The following KAZN variants were observed in gnomAD, a reference collection of about 807,000 sequenced individuals.
KAZN encodes the protein kazrin.
Under a neutral mutation model 87.4 loss-of-function variants are expected in KAZN, and 40 were observed. The observed-to-expected ratio is 0.46, with a 90% CI of 0.36 to 0.60. The LOEUF (loss-of-function observed/expected upper bound fraction) is 0.60, where lower values mean the gene tolerates loss of function less well. Ranked by LOEUF, KAZN falls within the 20% of genes least tolerant of loss-of-function variation. The pLI is 0.00. For synonymous variants in KAZN, 466 were observed against 458.3 expected, an observed-to-expected ratio of 1.02 and a Z score of -0.22; for missense variants, 898 against 1,073.9, an observed-to-expected ratio of 0.84 and a Z score of 2.29.
At chr1:14,636,500 AT>A (rs1001097779) in intron 1 of KAZN, among the ~76,000 whole-genome samples, 2 of 152,198 alleles carry the variant, frequency 1.3e-5, no homozygotes, top group African/African-American at 4.8e-5. Context: ...AACTGTGTTA[AT>A]TATGACAGTG....
rs189722620 is a variant in KAZN, at chr1:14,118,656, C to T, written c.92-61779C>T. On this transcript the variant is annotated intron_variant, in intron 1 of 16. Transcript: ENST00000636203. ...AACAGAACATCACAAGGATGTTCAC[C>T]GAAGAGATCTCAGAATTCATCTGGT... Among the ~76,000 whole-genome samples, 12 of 152,258 alleles carry T rather than the reference C, an allele frequency of 7.9e-5. 1 individual carries two copies. The highest frequency in any genetic ancestry group is 1.3e-4 in the Admixed American group (2 of 15,296).
At chr1:14,051,063 C>A (rs1469049456) in intron 1 of KAZN, among the ~76,000 whole-genome samples, 1 of 151,988 alleles carries the variant, frequency 6.6e-6, no homozygotes, top group Non-Finnish European at 1.5e-5. Flanking sequence ...CAACTCTGAG[C>A]ACAACAAAGA....
chr1:14,958,107 G>A (rs1374075360), intron 1 of KAZN, among the ~76,000 whole-genome samples: 1 of 152,200 alleles, frequency 6.6e-6, no homozygotes, highest in African/African-American at 2.4e-5. Context: ...CCCTCTGCCT[G>A]CTCCCTCCCC....
chr1:14,437,040 A>T (rs1219121559), intron 2 of KAZN, among the ~76,000 whole-genome samples: 1 of 152,228 alleles, frequency 6.6e-6, no homozygotes, highest in Non-Finnish European at 1.5e-5. Context: ...TTTGTCCTCC[A>T]GAGGAAATAG....
intron 1 of KAZN, among the ~76,000 whole-genome samples, chr1:14,685,329 G>A (rs745351293): frequency 1.5e-4 from 23 of 152,324 alleles, no homozygotes; most frequent in Middle Eastern, 3.4e-3. Flanking sequence ...CCCATCAGTC[G>A]TTGGTATGGG....
chr1:14,666,904 T>A (rs1380105615), intron 1 of KAZN, among the ~76,000 whole-genome samples: 5 of 152,086 alleles, frequency 3.3e-5, no homozygotes, highest in Non-Finnish European at 7.4e-5. Flanking sequence ...CCCAGCTAAT[T>A]TTTGTAGTTT....
At chr1:14,037,035 C>G (rs1263705226) in intron 1 of KAZN, among the ~76,000 whole-genome samples, 1 of 152,060 alleles carries the variant, frequency 6.6e-6, no homozygotes, top group Non-Finnish European at 1.5e-5. Context: ...GCCTCAGCCT[C>G]CCAAAGTGCT....
rs891126535 is a variant in KAZN at position 15,096,374 on chromosome 1, A to G, written c.1547+1441A>G. On this transcript the variant is annotated intron_variant, in intron 10 of 14. Transcript: ENST00000376030. The surrounding 1 kb of genome is among the most constrained non-coding windows in gnomAD (Gnocchi z 4.5). ...GCAAGGGCAGAAAAACAAAAACACT[A>G]AAAGCCACTTTGATTTTGAAGAGAA... is the stretch of plus-strand genomic sequence containing the variant. 2.6e-5 allele frequency among the ~76,000 whole-genome samples: 4 copies of G among 152,220 alleles called. No homozygotes were observed. Among genetic ancestry groups the G allele is most frequent in the Admixed American group, 2.6e-4 (4 of 15,286 alleles).
intron 1 of KAZN, among the ~76,000 whole-genome samples, chr1:14,150,807 T>C (rs1465299593): frequency 6.6e-6 from 1 of 152,222 alleles, no homozygotes; most frequent in African/African-American, 2.4e-5. Flanking sequence ...CTCTTCCAAA[T>C]AATTACTGGT....
intron 2 of KAZN, among the ~76,000 whole-genome samples, chr1:14,269,782 G>A (rs189407739): frequency 2.4e-4 from 36 of 152,296 alleles, no homozygotes; most frequent in African/African-American, 7.9e-4. Flanking sequence ...GATCACCTGA[G>A]GTGAGGCTGC....
At chr1:15,013,182 G>A (rs530156434) in intron 2 of KAZN, among the ~76,000 whole-genome samples, 28 of 152,252 alleles carry the variant, frequency 1.8e-4, no homozygotes, top group African/African-American at 5.1e-4. Flanking sequence ...ACCTGTACAC[G>A]CCTCCACTGT....
intron 1 of KAZN, among the ~76,000 whole-genome samples, chr1:13,911,412 C>T (rs988730760): frequency 2.6e-5 from 4 of 152,192 alleles, no homozygotes; most frequent in Non-Finnish European, 5.9e-5. Flanking sequence ...ATCCTGAAGT[C>T]AGCACCAAGC....
intron 2 of KAZN, among the ~76,000 whole-genome samples, chr1:14,406,520 T>C (rs1040889647): frequency 3.3e-5 from 5 of 151,784 alleles, no homozygotes; most frequent in African/African-American, 9.7e-5. Flanking sequence ...AATGACACAA[T>C]GGACTTTGGG....
At chr1:14,601,833 G>C (rs1175950202) in intron 1 of KAZN, among the ~76,000 whole-genome samples, 1 of 152,154 alleles carries the variant, frequency 6.6e-6, no homozygotes, top group Non-Finnish European at 1.5e-5. Context: ...GAGTATCTTT[G>C]CATTTCAAAA....
intron 1 of KAZN, among the ~76,000 whole-genome samples, chr1:14,883,395 G>C (rs956419988): frequency 7.3e-6 from 1 of 136,676 alleles, no homozygotes; most frequent in African/African-American, 3.0e-5. Flanking sequence ...AAGAAAGAAA[G>C]AAAGAAAGAA....
At chr1:14,251,174 T>C (rs1477295996) in intron 2 of KAZN, among the ~76,000 whole-genome samples, 2 of 152,178 alleles carry the variant, frequency 1.3e-5, no homozygotes, top group Non-Finnish European at 2.9e-5. Flanking sequence ...ATCCACGGAA[T>C]GGGGAACATT....
chr1:14,470,118 G>T (rs149519637), intron 2 of KAZN, among the ~76,000 whole-genome samples: 1 of 152,144 alleles, frequency 6.6e-6, no homozygotes, highest in African/African-American at 2.4e-5. Flanking sequence ...CAAACAATGC[G>T]CTTGAGAAAT....
chr1:14,686,220 A>G (rs1640942395), intron 1 of KAZN, among the ~76,000 whole-genome samples: 1 of 152,132 alleles, frequency 6.6e-6, no homozygotes, highest in African/African-American at 2.4e-5. Context: ...GACGTGTACC[A>G]CACCCAGCTA....
chr1:14,874,798 G>A (rs1327287378), intron 1 of KAZN, among the ~76,000 whole-genome samples: 3 of 152,036 alleles, frequency 2.0e-5, no homozygotes, highest in African/African-American at 7.2e-5. Context: ...GCTCTTGGTC[G>A]AATGTTTCCC....
Sources: allele counts gnomAD v4.1 joint callset (sites outside exome capture counted in the v4.1 genomes callset), GRCh38; gene constraint gnomAD v4.1.1; non-coding constraint Gnocchi (gnomAD v3.1); transcripts MANE v1.5; gene names NCBI Gene and HGNC (gene_info 2026-07-23, HGNC 2026-07-21).